The following STUM variants were observed in gnomAD, a reference collection of about 807,000 sequenced individuals.
The protein encoded by STUM is stum, mechanosensory transduction mediator homolog.
Under a neutral mutation model 15.3 loss-of-function variants are expected in STUM, and 8 were observed. The ratio of observed to expected loss-of-function variants is 0.52; its 90% confidence interval spans 0.31 to 0.94. The LOEUF (loss-of-function observed/expected upper bound fraction) is 0.94, where lower values mean the gene tolerates loss of function less well. Ranked by LOEUF, STUM falls within the 40% of genes least tolerant of loss-of-function variation. The pLI, the probability that STUM is intolerant of heterozygous loss-of-function variation, is 0.05. For missense variants in STUM, 142 were observed against 204.9 expected (o/e 0.69, Z 1.87); for synonymous variants, 78 against 88.7 (o/e 0.88, Z 0.68).
intron 2 of STUM, among the ~76,000 whole-genome samples, chr1:226,599,777 T>C (rs1668237271): frequency 6.6e-6 from 1 of 152,248 alleles, no homozygotes; most frequent in Non-Finnish European, 1.5e-5. Context: ...GGTAGCTCTA[T>C]GGTGGGCTCT....
At chr1:226,589,785 C>A (rs935236991) in intron 1 of STUM, among the ~76,000 whole-genome samples, 1 of 152,100 alleles carries the variant, frequency 6.6e-6, no homozygotes, top group African/African-American at 2.4e-5. Context: ...CATCTCCCCG[C>A]TCCAGCCCTG....
At chr1:226,561,379 G>A (rs1422968485) in intron 1 of STUM, among the ~76,000 whole-genome samples, 3 of 152,174 alleles carry the variant, frequency 2.0e-5, no homozygotes, top group Non-Finnish European at 4.4e-5. Context: ...AGGAGACACA[G>A]GCTTTCCTGT....
intron 1 of STUM, among the ~76,000 whole-genome samples, chr1:226,579,815 T>G (rs1364013633): frequency 6.6e-6 from 1 of 151,970 alleles, no homozygotes; most frequent in African/African-American, 2.4e-5. Context: ...AATTTTTTTT[T>G]GTAGAGATGG....
Position 226,600,540 on chromosome 1 carries a change from G to GGATCT in STUM, c.383-125_383-124insATCTG. On this transcript the variant is annotated intron_variant, in intron 2 of 3. Transcript: ENST00000366788. This position sits in a 1 kb window ranked among gnomAD's most constrained non-coding sequence, Gnocchi z 5.2. Reference sequence around the variant, plus strand: ...GGCATGGCCCCTGTCCCATCTCCCAGGCCTCACCATGGATCTGCTTTGTTT... The same window carrying GGATCT: ...GGCATGGCCCCTGTCCCATCTCCCAGGATCTGCCTCACCATGGATCTGCTTTGTTT... 1 of 1,164,556 alleles carries GGATCT rather than the reference G, an allele frequency of 8.6e-7. No individual in the cohort carries two copies. The highest frequency in any genetic ancestry group is 1.3e-6 in the Non-Finnish European group (1 of 789,210). The allele number at this position is 1,164,556 out of a possible 1,614,324, so 72.1% of individuals were successfully genotyped here. A position where few individuals can be genotyped will look rare whatever the true frequency, so the allele number is the denominator to read the frequency against.
intron 1 of STUM, among the ~76,000 whole-genome samples, chr1:226,573,230 G>A (rs932675668): frequency 1.3e-5 from 2 of 152,190 alleles, no homozygotes; most frequent in African/African-American, 4.8e-5. Flanking sequence ...GGTCAATTAA[G>A]CATTTTTTGC....
Position 226,552,122 on chromosome 1 carries a change from C to G in STUM, c.202+3016C>G, listed in dbSNP as rs555654172. On this transcript the variant is annotated intron_variant, in intron 1 of 3. Transcript: ENST00000366788. The surrounding 1 kb of genome is among the most constrained non-coding windows in gnomAD (Gnocchi z 4.7). ...TTTGATGTAGGTGTCTCAGGTCCAT[C>G]CAGTCTGCAGGACCAGCTGTGGAGA... is the stretch of plus-strand genomic sequence containing the variant. 6.6e-6 allele frequency among the ~76,000 whole-genome samples: 1 copy of G among 152,046 alleles called. No homozygotes were observed. The highest frequency in any genetic ancestry group is 2.1e-4 in the South Asian group (1 of 4,814).
At chr1:226,553,673 T>C (rs1667403946) in intron 1 of STUM, among the ~76,000 whole-genome samples, 1 of 152,204 alleles carries the variant, frequency 6.6e-6, no homozygotes, top group Admixed American at 6.5e-5. Flanking sequence ...TTTGAGCATG[T>C]GGTGGAATGT....
Position 226,603,488 on chromosome 1 carries a change from G to A in STUM, c.*1448G>A, listed in dbSNP as rs1259195997. 3 of 152,244 alleles carry A rather than the reference G, an allele frequency of 2.0e-5. No individual in the cohort carries two copies. The highest frequency in any genetic ancestry group is 2.0e-4 in the Admixed American group (3 of 15,288). The allele number at this position is 152,244 out of a possible 1,614,324, so 9.4% of individuals were successfully genotyped here. A position where few individuals can be genotyped will look rare whatever the true frequency, so the allele number is the denominator to read the frequency against. On this transcript the variant is annotated 3_prime_UTR_variant, in exon 4 of 4. Transcript: ENST00000366788. Reference sequence around the variant, plus strand: ...TGCTAACAGATGGGGCTGGCCCAAAGTCAAGCTTCTGACTCCACTTGACAC... The same window carrying A: ...TGCTAACAGATGGGGCTGGCCCAAAATCAAGCTTCTGACTCCACTTGACAC...
chr1:226,576,807 G>A (rs1243805252), intron 1 of STUM, among the ~76,000 whole-genome samples: 5 of 152,144 alleles, frequency 3.3e-5, no homozygotes, highest in Non-Finnish European at 5.9e-5. Flanking sequence ...GTCTAGTTCC[G>A]TGGACACACA....
chr1:226,589,585 G>A (rs922588638), intron 1 of STUM, among the ~76,000 whole-genome samples: 2 of 152,214 alleles, frequency 1.3e-5, no homozygotes, highest in Non-Finnish European at 2.9e-5. Context: ...TTTCTTCCCA[G>A]GATCATGGTA....
chr1:226,588,815 G>A (rs1668040957), intron 1 of STUM, among the ~76,000 whole-genome samples: 1 of 152,172 alleles, frequency 6.6e-6, no homozygotes, highest in African/African-American at 2.4e-5. Context: ...GGCAGCCCTT[G>A]GCAATGGGTC....
At chr1:226,591,997 A>G (rs1410245272) in intron 1 of STUM, among the ~76,000 whole-genome samples, 2 of 151,768 alleles carry the variant, frequency 1.3e-5, no homozygotes, top group Non-Finnish European at 2.9e-5. Flanking sequence ...GGGTTCAAGG[A>G]TATTTGAAAA....
intron 1 of STUM, among the ~76,000 whole-genome samples, chr1:226,568,932 A>G (rs1376575219): frequency 2.0e-5 from 3 of 152,264 alleles, no homozygotes; most frequent in Non-Finnish European, 4.4e-5. Context: ...GGGGTGGCAG[A>G]CAGAGGTCCT....
At chr1:226,575,657 A>G (rs1291430399) in intron 1 of STUM, among the ~76,000 whole-genome samples, 1 of 152,246 alleles carries the variant, frequency 6.6e-6, no homozygotes, top group Non-Finnish European at 1.5e-5. Context: ...TCAACAGGAC[A>G]AGATTTCCCA....
intron 1 of STUM, among the ~76,000 whole-genome samples, chr1:226,594,245 T>G (rs1219717081): frequency 6.6e-6 from 1 of 151,946 alleles, no homozygotes; most frequent in Non-Finnish European, 1.5e-5. Context: ...CAGAAACCAA[T>G]GAGTTGCATC....
intron 1 of STUM, among the ~76,000 whole-genome samples, chr1:226,558,366 G>A (rs1667483628): frequency 6.6e-6 from 1 of 152,174 alleles, no homozygotes; most frequent in South Asian, 2.1e-4. Flanking sequence ...ATTTCTCTGA[G>A]TGGCAACTGG....
intron 1 of STUM, among the ~76,000 whole-genome samples, chr1:226,564,501 ACAGT>A (rs1667589796): frequency 6.6e-6 from 1 of 152,110 alleles, no homozygotes; most frequent in Non-Finnish European, 1.5e-5. Context: ...GCATCTGAAG[ACAGT>A]CAGCAATGGC....
At chr1:226,592,058 G>A (rs1167695471) in intron 1 of STUM, among the ~76,000 whole-genome samples, 1 of 152,042 alleles carries the variant, frequency 6.6e-6, no homozygotes, top group Non-Finnish European at 1.5e-5. Flanking sequence ...TTTTGTTGTT[G>A]TTGTTTTATG....
intron 1 of STUM, among the ~76,000 whole-genome samples, chr1:226,570,510 G>A (rs552623968): frequency 2.0e-5 from 3 of 152,294 alleles, no homozygotes; most frequent in East Asian, 1.9e-4. Flanking sequence ...AGATGCAGTC[G>A]CCATTGTTTT....
Sources: gnomAD v4.1 joint callset for allele counts (sites outside exome capture counted in the v4.1 genomes callset) on GRCh38, gnomAD v4.1.1 for gene constraint, Gnocchi (gnomAD v3.1) non-coding constraint, MANE v1.5 for transcripts, NCBI Gene and HGNC (gene_info 2026-07-23, HGNC 2026-07-21) for gene names.